PCNX2: variants seen among roughly 807,000 people sequenced by gnomAD.
The protein encoded by PCNX2 is pecanex 2, also known as pecanex-like protein 2.
In PCNX2, 168 loss-of-function variants were observed where a neutral mutation model predicts 223.8. That is an observed-to-expected ratio of 0.75 (90% CI 0.66 to 0.85). The LOEUF is 0.85. Among genes scored for constraint, PCNX2 ranks in the 40% least tolerant of loss-of-function variants. The pLI is 0.00. For missense variants in PCNX2, 2,507 were observed against 2,675.5 expected, an observed-to-expected ratio of 0.94 and a Z score of 1.39; for synonymous variants, 1,006 against 1,052.6, an observed-to-expected ratio of 0.96 and a Z score of 0.86.
chr1:233,269,738 T>C (rs143786446), intron 1 of PCNX2, among the ~76,000 whole-genome samples: 4 of 152,190 alleles, frequency 2.6e-5, no homozygotes, highest in Admixed American at 6.5e-5. Flanking sequence ...AACATAACAC[T>C]CACACTCAAG....
intron 9 of PCNX2, among the ~76,000 whole-genome samples, chr1:233,231,218 C>T (rs960042105): frequency 6.6e-6 from 1 of 152,006 alleles, no homozygotes; most frequent in African/African-American, 2.4e-5. Context: ...AAGCAGTGCT[C>T]ATCAGTAAAG....
chr1:233,112,247 T>C (rs1675156811), intron 21 of PCNX2, among the ~76,000 whole-genome samples: 1 of 152,176 alleles, frequency 6.6e-6, no homozygotes, highest in Non-Finnish European at 1.5e-5. Context: ...ATGTACATCC[T>C]ATAAAACAAG....
intron 23 of PCNX2, among the ~76,000 whole-genome samples, chr1:233,072,031 T>G (rs763664330): frequency 6.6e-6 from 1 of 152,254 alleles, no homozygotes; most frequent in African/African-American, 2.4e-5. Flanking sequence ...TCCTTATAGA[T>G]GCTGGATATT....
chr1:232,986,238 G>T lies in PCNX2; in HGVS notation c.6094C>A (p.Leu2032Ile). Residue 2032 changes from leucine to isoleucine, a missense_variant, in exon 33 of 34, where the codon CTC (leucine) becomes ATC (isoleucine). Coordinates refer to ENST00000258229, the MANE Select transcript of PCNX2 (RefSeq NM_014801.4). ...GSSTSSTLSF[L>I]FGKRSFSSAL... ...CTGGAAAAGCTCCTCTTGCCGAAGA[G>T]GAAGCTCAGGGTGGAGCTGGTGGAG... 2 of 1,560,074 alleles carry T rather than the reference G, an allele frequency of 1.3e-6. No homozygotes were observed. Among genetic ancestry groups the T allele is most frequent in the East Asian group, 2.4e-5 (1 of 41,680 alleles).
chr1:233,000,263 G>T lies in PCNX2; in HGVS notation c.5328+42C>A. ...CATTCTATTTCTTCTCAGATAGAGA[G>T]ACACGAGCCAACAGGGGACCCAGAA... On this transcript the variant is annotated intron_variant, in intron 30 of 33. Transcript: ENST00000258229. The surrounding 1 kb of genome is among the most constrained non-coding windows in gnomAD (Gnocchi z 4.6). The T allele has an allele frequency of 6.4e-7, 1 of 1,570,234 alleles. No homozygotes were observed. The highest frequency in any genetic ancestry group is 8.8e-7 in the Non-Finnish European group (1 of 1,140,676).
chr1:233,146,494 T>C (rs1156861197), intron 19 of PCNX2, among the ~76,000 whole-genome samples: 1 of 152,246 alleles, frequency 6.6e-6, no homozygotes, highest in Non-Finnish European at 1.5e-5. Context: ...AGTTTCTTTC[T>C]GTACAAAATT....
At chr1:233,023,348 C>G (rs889792266) in intron 26 of PCNX2, among the ~76,000 whole-genome samples, 8 of 152,340 alleles carry the variant, frequency 5.3e-5, no homozygotes, top group African/African-American at 1.9e-4. Flanking sequence ...TTCCAGGTGG[C>G]ATGTGACAAT....
At chr1:233,227,647 C>T (rs1305809724) in intron 9 of PCNX2, among the ~76,000 whole-genome samples, 1 of 152,068 alleles carries the variant, frequency 6.6e-6, no homozygotes, top group African/African-American at 2.4e-5. Context: ...CTACTCATCA[C>T]GTCAAAATGC....
In PCNX2 at chr1:233,126,462, G is replaced by T. The variant is rs964765747; in HGVS notation, c.3837+8551C>A. 1.3e-5 allele frequency among the ~76,000 whole-genome samples: 2 copies of T among 152,004 alleles called. No individual in the cohort carries two copies. The highest frequency in any genetic ancestry group is 2.4e-5 in the African/African-American group (1 of 41,378). On this transcript the variant is annotated intron_variant, in intron 21 of 33. Transcript: ENST00000258229. The surrounding 1 kb of genome is among the most constrained non-coding windows in gnomAD (Gnocchi z 4.8). Reference sequence around the variant, plus strand: ...TTTTAAGCAAAAATGGAGGTAAAAGGCAGGTACAGAATGAACCTATTGATA... The same window carrying T: ...TTTTAAGCAAAAATGGAGGTAAAAGTCAGGTACAGAATGAACCTATTGATA...
At chr1:233,097,347 A>G (rs1255709268) in intron 21 of PCNX2, among the ~76,000 whole-genome samples, 1 of 152,124 alleles carries the variant, frequency 6.6e-6, no homozygotes, top group Admixed American at 6.6e-5. Context: ...GGATTAAAAA[A>G]AAAAAGCAAA....
intron 19 of PCNX2, among the ~76,000 whole-genome samples, chr1:233,151,050 CCA>C (rs1491432254): frequency 9.3e-6 from 1 of 107,842 alleles, no homozygotes; most frequent in South Asian, 3.4e-4. Context: ...AACCATCTTG[CCA>C]AGAGCAAGGA....
intron 10 of PCNX2, among the ~76,000 whole-genome samples, chr1:233,223,545 TC>T (rs1657519709): frequency 6.6e-6 from 1 of 152,146 alleles, no homozygotes; most frequent in African/African-American, 2.4e-5. Flanking sequence ...GCTGCACCCA[TC>T]AACCCGTCAT....
At chr1:233,314,519 C>T in the PCNX2 span, among the ~76,000 whole-genome samples, 1 of 151,988 alleles carries the variant, frequency 6.6e-6, no homozygotes, top group Non-Finnish European at 1.5e-5. Context: ...ATGGAGGCAA[C>T]TGATCAAGAG....
At position 233,145,531 on chromosome 1, in the gene PCNX2, TG is replaced by T. The variant is rs1677392359; in HGVS notation, c.3518-5677del. Among the ~76,000 whole-genome samples the T allele has an allele frequency of 4.6e-5, 7 of 152,264 alleles. No homozygotes were observed. The South Asian group carries it at 1.5e-3, about 32-fold the overall frequency. ...CCTCTACGTGTGCTAGATGCTTTCC[TG>T]GAATGACCCTGAGTCTTTTCTGCTT... On this transcript the variant is annotated intron_variant, in intron 19 of 33. Transcript: ENST00000258229.
At chr1:233,106,994 T>C (rs1019662551) in intron 21 of PCNX2, among the ~76,000 whole-genome samples, 21 of 152,140 alleles carry the variant, frequency 1.4e-4, no homozygotes, top group Middle Eastern at 3.2e-3. Context: ...TTTCCACATT[T>C]ATGCTTTATG....
intron 25 of PCNX2, among the ~76,000 whole-genome samples, chr1:233,050,246 T>A (rs1489676228): frequency 6.6e-6 from 1 of 151,230 alleles, no homozygotes; most frequent in Non-Finnish European, 1.5e-5. Flanking sequence ...ATAAAAAAAA[T>A]GACCATACTG....
chr1:233,156,562 G>A (rs1373761146), intron 19 of PCNX2, among the ~76,000 whole-genome samples: 1 of 152,130 alleles, frequency 6.6e-6, no homozygotes, highest in African/African-American at 2.4e-5. Flanking sequence ...GGCTCAGGGA[G>A]CAGTGGGGAA....
chr1:233,284,715 C>T (rs1661356534), intron 1 of PCNX2, among the ~76,000 whole-genome samples: 1 of 152,136 alleles, frequency 6.6e-6, no homozygotes, highest in African/African-American at 2.4e-5. Context: ...ACAAACATGT[C>T]CAGTTAGTCT....
At chr1:233,121,338 T>G (rs1010667779) in intron 21 of PCNX2, among the ~76,000 whole-genome samples, 2 of 152,146 alleles carry the variant, frequency 1.3e-5, no homozygotes, top group Non-Finnish European at 1.5e-5. Flanking sequence ...ATTCTGAAAT[T>G]TGTATGAAAG....
Sources: gnomAD v4.1 joint callset for allele counts (sites outside exome capture counted in the v4.1 genomes callset) on GRCh38, gnomAD v4.1.1 for gene constraint, Gnocchi (gnomAD v3.1) non-coding constraint, MANE v1.5 for transcripts, NCBI Gene and HGNC (gene_info 2026-07-23, HGNC 2026-07-21) for gene names.